The following MED17 variants were observed in gnomAD, a reference collection of about 807,000 sequenced individuals.
The protein encoded by MED17 is mediator of RNA polymerase II transcription subunit 17.
Under a neutral mutation model 80.8 loss-of-function variants are expected in MED17, and 49 were observed. The observed-to-expected ratio is 0.61, with a 90% CI of 0.48 to 0.77. The LOEUF (loss-of-function observed/expected upper bound fraction) is 0.77, where lower values mean the gene tolerates loss of function less well. Ranked by LOEUF, MED17 falls within the 30% of genes least tolerant of loss-of-function variation. The pLI, the probability that MED17 is intolerant of heterozygous loss-of-function variation, is 0.00. For missense variants in MED17, 718 were observed against 787.0 expected (o/e 0.91, Z 1.05); for synonymous variants, 281 against 280.4 (o/e 1.00, Z -0.02).
At chr11:93,803,811 A>C (rs1943987835) in intron 9 of MED17, among the ~76,000 whole-genome samples, 1 of 151,872 alleles carries the variant, frequency 6.6e-6, no homozygotes, top group Non-Finnish European at 1.5e-5. Flanking sequence ...AAACGTTGTA[A>C]ACTTCCACAA....
intron 9 of MED17, among the ~76,000 whole-genome samples, chr11:93,803,999 G>GTGTATATATATATA (rs1555034255): frequency 3.7e-5 from 1 of 27,132 alleles, no homozygotes; most frequent in Non-Finnish European, 9.2e-5. Context: ...ATATGTGTGT[G>GTGTATATATATATA]TATATATATA....
intron 10 of MED17, chr11:93,807,858 G>A: frequency 1.8e-6 from 1 of 555,212 alleles, no homozygotes; most frequent in Non-Finnish European, 3.2e-6. Flanking sequence ...TTTATGTTAA[G>A]ATGAAGGACC....
chr11:93,813,092 CA>C lies in MED17; in HGVS notation c.*1029del, dbSNP rs1244992687. 6.6e-6 allele frequency: 1 copy of C among 152,176 alleles called. No homozygotes were observed. 9.4% of individuals were successfully genotyped at this position (152,176 alleles called of 1,614,324 possible). On this transcript the variant is annotated 3_prime_UTR_variant, in exon 12 of 12. Transcript: ENST00000251871. ...TTATCTTTTCCAAGGAACAGGTTTG[CA>C]CTTCTTGGAAAAAGTGCCTAAAGTG...
In MED17 at chr11:93,793,985, A is replaced by C; in HGVS notation, c.809A>C (p.Asp270Ala). 1 of 1,614,042 alleles carries C rather than the reference A, an allele frequency of 6.2e-7. No individual in the cohort carries two copies. Among genetic ancestry groups the C allele is most frequent in the Non-Finnish European group, 8.5e-7 (1 of 1,179,988 alleles). The stretch of plus-strand genomic sequence containing the variant: ...CAAAAACAGGCTCCAGATATAGGTG[A>C]CCTCGGCACAGTTAACCTCTTCAAA... ...SIQKQAPDIG[D>A]LGTVNLFKRP... Residue 270 changes from aspartate to alanine, a missense_variant, in exon 5 of 12, where the codon GAC (aspartate) becomes GCC (alanine). Physicochemically the swap from Asp to Ala is moderately radical, Grantham distance 126. Coordinates refer to ENST00000251871, the MANE Select transcript of MED17 (RefSeq NM_004268.5).
intron 7 of MED17, 75 bp downstream of exon 7, chr11:93,796,615 G>C: frequency 6.6e-7 from 1 of 1,507,886 alleles, no homozygotes; most frequent in South Asian, 1.1e-5. Context: ...AGCTCCTCTC[G>C]TCTGCTGAGT....
intron 8 of MED17, among the ~76,000 whole-genome samples, chr11:93,799,005 TTTAC>T (rs1943934313): frequency 6.6e-6 from 1 of 152,070 alleles, no homozygotes; most frequent in Non-Finnish European, 1.5e-5. Flanking sequence ...CTTTAAAACT[TTTAC>T]TTCTTCCTGG....
intron 7 of MED17, chr11:93,796,899 A>T: frequency 3.3e-6 from 1 of 303,876 alleles, no homozygotes. Flanking sequence ...CTTACAGATC[A>T]TCTACAACTG....
chr11:93,809,781 G>A lies in MED17; in HGVS notation c.1649G>A (p.Ser550Asn). ...LAKVMGWQVLSFSNHVGLGPI... is the reference protein window; with the variant it reads ...LAKVMGWQVLNFSNHVGLGPI... ...AAGGTTATGGGCTGGCAAGTACTGA[G>A]CTTCAGTAATCATGTGGGACTTGGA... Residue 550 changes from serine to asparagine, a missense_variant, in exon 11 of 12, where the codon AGC (serine) becomes AAC (asparagine). Transcript: ENST00000251871. 1 of 1,614,112 alleles carries A rather than the reference G, an allele frequency of 6.2e-7. No homozygotes were observed. Among genetic ancestry groups the A allele is most frequent in the South Asian group, 1.1e-5 (1 of 91,084 alleles).
intron 9 of MED17, chr11:93,806,095 C>T (rs1944022086): frequency 6.7e-6 from 1 of 148,558 alleles, no homozygotes. Flanking sequence ...AATTCTGCCT[C>T]AGCCTCCCAA....
chr11:93,796,285 A>G (rs1943900474), intron 6 of MED17, 125 bp from the exon 7 acceptor site: 4 of 941,916 alleles, frequency 4.2e-6, no homozygotes, highest in Non-Finnish European at 6.7e-6. Flanking sequence ...GTTAATCATG[A>G]GGTCTGATCT....
intron 1 of MED17, among the ~76,000 whole-genome samples, chr11:93,786,937 A>G (rs1296022573): frequency 6.6e-6 from 1 of 152,212 alleles, no homozygotes; most frequent in African/African-American, 2.4e-5. Flanking sequence ...GTTAAATACA[A>G]GTGGTTAAAC....
At position 93,800,482 on chromosome 11, in the gene MED17, A is replaced by G. The variant is rs183565173; in HGVS notation, c.1329-1353A>G. On this transcript the variant is annotated intron_variant, in intron 8 of 11. Transcript: ENST00000251871. ...CGTTTCTACTAAAAATAGAAAAATT[A>G]GCCAGGCGTGGTGGCACACGCCTGT... is the stretch of plus-strand genomic sequence containing the variant. Among the ~76,000 whole-genome samples the G allele has an allele frequency of 4.7e-3, 710 of 152,248 alleles. 4 individuals carry two copies. The highest frequency in any genetic ancestry group is 7.0e-3 in the Non-Finnish European group (474 of 68,016).
At position 93,793,823 on chromosome 11, in the gene MED17, G is replaced by C. The variant is rs1395463619; in HGVS notation, c.733G>C (p.Val245Leu). 1.9e-6 allele frequency: 3 copies of C among 1,612,520 alleles called. No individual in the cohort carries two copies. The Admixed American group carries it at 5.0e-5, about 27-fold the overall frequency. Reference protein sequence around the residue: ...KIPEDYCPLDVQIPSDLEGSA... With the variant: ...KIPEDYCPLDLQIPSDLEGSA... Reference sequence around the variant, plus strand: ...ACCTGAAGATTACTGTCCTCTTGATGTCCAAATTCCTAGTGATTTAGAGGG... The same window carrying C: ...ACCTGAAGATTACTGTCCTCTTGATCTCCAAATTCCTAGTGATTTAGAGGG... The change falls in exon 4 of 12, where the codon GTC becomes CTC. Residue 245 changes from valine to leucine, a missense_variant. By Grantham distance (32) the Val-to-Leu change is conservative. Transcript: ENST00000251871.
At chr11:93,807,878 A>G (rs1944042802) in intron 10 of MED17, 2 of 512,150 alleles carry the variant, frequency 3.9e-6, no homozygotes, top group Non-Finnish European at 7.0e-6. Flanking sequence ...CAGTTCTGAG[A>G]CTAGCAAGTT....
chr11:93,788,065 C>G lies in MED17; in HGVS notation c.315C>G (p.Ala105=). Residue 105 remains alanine (A), a synonymous_variant, in exon 2 of 12, where the codon GCC becomes GCG. Coordinates refer to ENST00000251871, the MANE Select transcript of MED17 (RefSeq NM_004268.5). Reference sequence around the variant, plus strand: ...CAGTGAGGAACAATTTGAGAAGTGCCCTGACAGAGATGTGTGTTCTCTATG... The same window carrying G: ...CAGTGAGGAACAATTTGAGAAGTGCGCTGACAGAGATGTGTGTTCTCTATG... ...WDSVRNNLRS[A]LTEMCVLYDV... 6.2e-7 allele frequency: 1 copy of G among 1,613,728 alleles called. No individual in the cohort carries two copies. The highest frequency in any genetic ancestry group is 8.5e-7 in the Non-Finnish European group (1 of 1,179,818).
intron 10 of MED17, 21 bp from the exon 11 acceptor site, chr11:93,809,694 CAA>C: frequency 6.2e-7 from 1 of 1,613,850 alleles, no homozygotes. Flanking sequence ...GACTGTCAGT[CAA>C]GTGTCCTTTT....
chr11:93,804,701 C>T (rs1944006017), intron 9 of MED17, among the ~76,000 whole-genome samples: 1 of 152,156 alleles, frequency 6.6e-6, no homozygotes, highest in African/African-American at 2.4e-5. Context: ...CAAAATTCAC[C>T]ATTTTAAAGT....
chr11:93,796,421 T>C lies in MED17; in HGVS notation c.1024T>C (p.Ser342Pro). 1.9e-6 allele frequency: 3 copies of C among 1,612,676 alleles called. No homozygotes were observed. Among genetic ancestry groups the C allele is most frequent in the South Asian group, 2.2e-5 (2 of 91,048 alleles). The change falls in exon 7 of 12, where the codon TCT (serine) becomes CCT (proline). Residue 342 changes from serine to proline, a missense_variant. By Grantham distance (74) the Ser-to-Pro change is moderately conservative. Transcript: ENST00000251871. The stretch of plus-strand genomic sequence containing the variant: ...CTTTTTATAAATAGGCTTGCAGTTA[T>C]CTATTTCTTTGTGCCATTCCTCAAA... Reference protein sequence around the residue: ...ISQPFPSLQLSISLCHSSNDK... With the variant: ...ISQPFPSLQLPISLCHSSNDK...
At position 93,797,291 on chromosome 11, in the gene MED17, G is replaced by C. The variant is rs1355725100; in HGVS notation, c.1144-244G>C. On this transcript the variant is annotated intron_variant, in intron 7 of 11. Transcript: ENST00000251871. ...TGACTCCCTCAAACCTTATTAGGAT[G>C]TCGGCGCATTACCCATCTGACATGA... 3 of 481,228 alleles carry C rather than the reference G, an allele frequency of 6.2e-6. No individual in the cohort carries two copies. In the East Asian group the frequency reaches 1.1e-4, roughly 18 times the overall value. The allele number at this position is 481,228 out of a possible 1,614,324, so 29.8% of individuals were successfully genotyped here.
Sources: allele counts gnomAD v4.1 joint callset (sites outside exome capture counted in the v4.1 genomes callset), GRCh38; gene constraint gnomAD v4.1.1; transcripts MANE v1.5; gene names NCBI Gene and HGNC (gene_info 2026-07-23, HGNC 2026-07-21).